Variants in CTNNA2 observed in about 807,000 individuals in gnomAD.
CTNNA2 encodes the protein catenin alpha-2.
CTNNA2 carries 42 observed loss-of-function variants against 101.0 expected under a neutral mutation model. That is an observed-to-expected ratio of 0.42 (90% CI 0.32 to 0.54). The LOEUF (loss-of-function observed/expected upper bound fraction) is 0.54, where lower values mean the gene tolerates loss of function less well. Ranked by LOEUF, CTNNA2 falls within the 20% of genes least tolerant of loss-of-function variation. The pLI is 0.14. For synonymous variants in CTNNA2, 450 were observed against 456.4 expected (o/e 0.99, Z 0.18); for missense variants, 871 against 1,223.1 (o/e 0.71, Z 4.29).
intron 9 of CTNNA2, among the ~76,000 whole-genome samples, chr2:80,526,143 T>A (rs1026534651): frequency 3.3e-5 from 5 of 152,200 alleles, no homozygotes; most frequent in African/African-American, 7.2e-5. Flanking sequence ...CTGCATTTTC[T>A]CCTTACTCTG....
At chr2:79,833,353 CT>C (rs201818357) in intron 3 of CTNNA2, among the ~76,000 whole-genome samples, 2 of 151,972 alleles carry the variant, frequency 1.3e-5, no homozygotes, top group Admixed American at 6.6e-5. Context: ...AACTCAATGC[CT>C]TTTTTTTCTT....
intron 7 of CTNNA2, among the ~76,000 whole-genome samples, chr2:79,949,661 A>C (rs2196157): frequency 0.94 from 142,512 of 152,054 alleles, 66,835 homozygotes; most frequent in East Asian, 0.95. Flanking sequence ...GCCTATAGTC[A>C]CAGCTATTTG....
intron 8 of CTNNA2, among the ~76,000 whole-genome samples, chr2:80,403,224 A>G (rs1678729524): frequency 1.3e-5 from 2 of 152,196 alleles, no homozygotes; most frequent in East Asian, 1.9e-4. Flanking sequence ...TTTCTTCATC[A>G]TGGACGAACC....
intron 4 of CTNNA2, among the ~76,000 whole-genome samples, chr2:79,464,639 G>A (rs1362328315): frequency 1.3e-5 from 2 of 152,106 alleles, no homozygotes; most frequent in Non-Finnish European, 2.9e-5. Flanking sequence ...ATCCTCTCCA[G>A]CACCTGTTGT....
At chr2:79,965,386 T>C (rs1162814086) in intron 7 of CTNNA2, among the ~76,000 whole-genome samples, 1 of 152,226 alleles carries the variant, frequency 6.6e-6, no homozygotes, top group African/African-American at 2.4e-5. Flanking sequence ...TAAAACATTT[T>C]TCACAATTTC....
At chr2:80,608,349 G>T (rs765439415) in intron 17 of CTNNA2, 31 bp downstream of exon 17, 2 of 1,586,710 alleles carry the variant, frequency 1.3e-6, no homozygotes, top group East Asian at 2.3e-5. Flanking sequence ...ACAATGTAAA[G>T]TTCCCACCGT....
intron 9 of CTNNA2, among the ~76,000 whole-genome samples, chr2:80,453,659 T>G (rs1683719372): frequency 6.6e-6 from 1 of 152,104 alleles, no homozygotes. Context: ...CTACAGAACA[T>G]ATATCTGTTT....
chr2:79,532,287 G>T (rs1672793567), intron 1 of CTNNA2, among the ~76,000 whole-genome samples: 1 of 152,024 alleles, frequency 6.6e-6, no homozygotes, highest in South Asian at 2.1e-4. Context: ...AGTCATTAGG[G>T]GAGTGACTTC....
At chr2:79,549,387 A>G (rs1161821279) in intron 1 of CTNNA2, among the ~76,000 whole-genome samples, 1 of 152,210 alleles carries the variant, frequency 6.6e-6, no homozygotes, top group Non-Finnish European at 1.5e-5. Flanking sequence ...ATCTGGTCCA[A>G]TTAACTTACA....
At chr2:79,732,267 T>C (rs549059194) in intron 2 of CTNNA2, among the ~76,000 whole-genome samples, 2 of 152,160 alleles carry the variant, frequency 1.3e-5, no homozygotes, top group Admixed American at 1.3e-4. Flanking sequence ...AATTGAGTTA[T>C]TCCCAGGTCA....
intron 7 of CTNNA2, among the ~76,000 whole-genome samples, chr2:80,362,773 G>T (rs761360114): frequency 1.3e-5 from 2 of 152,068 alleles, no homozygotes; most frequent in Non-Finnish European, 2.9e-5. Context: ...TGTAAATGTT[G>T]TGTATGAATT....
chr2:80,533,560 G>GGAAAC (rs1197826091), intron 9 of CTNNA2, among the ~76,000 whole-genome samples: 1 of 152,126 alleles, frequency 6.6e-6, no homozygotes, highest in East Asian at 1.9e-4. Flanking sequence ...TCTTCATTCT[G>GGAAAC]GAAACGTTCC....
At chr2:80,225,750 C>T (rs569509960) in intron 7 of CTNNA2, among the ~76,000 whole-genome samples, 1 of 152,156 alleles carries the variant, frequency 6.6e-6, no homozygotes, top group South Asian at 2.1e-4. Flanking sequence ...AAAATAGTTG[C>T]TTTGTATCTC....
In CTNNA2 at chr2:80,269,196, G is replaced by A. The variant is rs114147502; in HGVS notation, c.1057-124015G>A. Among the ~76,000 whole-genome samples, 516 of 152,278 alleles carry A rather than the reference G, an allele frequency of 3.4e-3. 3 individuals carry two copies. Among genetic ancestry groups the A allele is most frequent in the African/African-American group, 0.012 (488 of 41,546 alleles). Reference sequence around the variant, plus strand: ...GAATGGTAGTTCCCATAATCCCCACGTGTGGTGGCAGGGGTCTTGTGGGAG... The same window carrying A: ...GAATGGTAGTTCCCATAATCCCCACATGTGGTGGCAGGGGTCTTGTGGGAG... On this transcript the variant is annotated intron_variant, in intron 7 of 18. Transcript: ENST00000402739.
intron 9 of CTNNA2, among the ~76,000 whole-genome samples, chr2:80,501,716 A>G (rs1204964566): frequency 6.6e-6 from 1 of 152,184 alleles, no homozygotes; most frequent in African/African-American, 2.4e-5. Context: ...AAAATTGGAT[A>G]TGCGGGGAAA....
At chr2:80,313,411 C>T (rs1459065598) in intron 7 of CTNNA2, 54 of 1,429,198 alleles carry the variant, frequency 3.8e-5, no homozygotes, top group Non-Finnish European at 4.4e-5. Flanking sequence ...TGGTGCCTAC[C>T]CTGTGTGTTC....
chr2:79,231,267 G>C (rs927786820), intron 2 of CTNNA2, among the ~76,000 whole-genome samples: 2 of 152,184 alleles, frequency 1.3e-5, no homozygotes, highest in Non-Finnish European at 2.9e-5. Flanking sequence ...GGGGGTAACT[G>C]AATCATGGAG....
intron 4 of CTNNA2, among the ~76,000 whole-genome samples, chr2:79,374,295 G>A (rs4852483): frequency 0.81 from 123,179 of 152,066 alleles, 50,411 homozygotes; most frequent in African/African-American, 0.92. Context: ...ACATCTCTGA[G>A]ATATAGAAAG....
intron 15 of CTNNA2, among the ~76,000 whole-genome samples, chr2:80,592,882 A>C (rs1393316259): frequency 6.6e-6 from 1 of 152,178 alleles, no homozygotes; most frequent in Admixed American, 6.5e-5. Flanking sequence ...CTTCTCACAA[A>C]ATAAATGTGA....
Sources: allele counts gnomAD v4.1 joint callset (sites outside exome capture counted in the v4.1 genomes callset), GRCh38; gene constraint gnomAD v4.1.1; transcripts MANE v1.5; gene names NCBI Gene and HGNC (gene_info 2026-07-23, HGNC 2026-07-21).